Variants in SPMIP2 observed in about 807,000 individuals in gnomAD.
The protein encoded by SPMIP2 is sperm microtubule inner protein 2.
At chr4:158,901,592 T>G in the SPMIP2 span, among the ~76,000 whole-genome samples, 1 of 152,156 alleles carries the variant, frequency 6.6e-6, no homozygotes, top group Non-Finnish European at 1.5e-5. Context: ...TTTTCCAACT[T>G]GGTTCCATTC....
chr4:158,977,666 G>C, the SPMIP2 span, among the ~76,000 whole-genome samples: 1 of 143,530 alleles, frequency 7.0e-6, no homozygotes, highest in African/African-American at 2.6e-5. Flanking sequence ...CCAGGCTGGA[G>C]AGCAGTGGCA....
At chr4:158,911,841 CTG>C in the SPMIP2 span, among the ~76,000 whole-genome samples, 1 of 152,038 alleles carries the variant, frequency 6.6e-6, no homozygotes, top group East Asian at 1.9e-4. Context: ...AGACTGAAGT[CTG>C]TGTATTGGAA....
At chr4:159,007,543 AG>A in the SPMIP2 span, 1 of 1,051,158 alleles carries the variant, frequency 9.5e-7, no homozygotes, top group Non-Finnish European at 1.4e-6. Flanking sequence ...GTAGCAATCC[AG>A]GAGAAGGTGC....
the SPMIP2 span, among the ~76,000 whole-genome samples, chr4:158,901,128 ATT>A: frequency 2.5e-4 from 28 of 112,274 alleles, no homozygotes; most frequent in African/African-American, 7.4e-4. Flanking sequence ...CTGGGTTGAA[ATT>A]TTTTTTTTTT....
At chr4:158,919,365 G>A in the SPMIP2 span, among the ~76,000 whole-genome samples, 4 of 152,312 alleles carry the variant, frequency 2.6e-5, no homozygotes, top group East Asian at 1.9e-4. Context: ...GTCTGGAACC[G>A]TTTCTCAGTC....
At chr4:158,936,896 T>C in the SPMIP2 span, among the ~76,000 whole-genome samples, 33 of 152,378 alleles carry the variant, frequency 2.2e-4, no homozygotes, top group African/African-American at 7.2e-4. Flanking sequence ...CACTCCCTTT[T>C]GTCCTTCTCT....
chr4:159,062,697 GTCTCTC>G, the SPMIP2 span, among the ~76,000 whole-genome samples: 12 of 95,146 alleles, frequency 1.3e-4, no homozygotes, highest in South Asian at 7.9e-4. Flanking sequence ...TTGAAACAGG[GTCTCTC>G]TCTCTCTCTC....
chr4:159,004,758 C>T, the SPMIP2 span, among the ~76,000 whole-genome samples: 1 of 152,016 alleles, frequency 6.6e-6, no homozygotes, highest in Non-Finnish European at 1.5e-5. Context: ...TTGATTAATA[C>T]ACAGTAAGTG....
chr4:159,066,419 G>C, the SPMIP2 span, among the ~76,000 whole-genome samples: 3 of 151,870 alleles, frequency 2.0e-5, no homozygotes, highest in African/African-American at 7.3e-5. Context: ...CTGGGCTCAC[G>C]CAAGACAGAG....
the SPMIP2 span, among the ~76,000 whole-genome samples, chr4:159,062,660 GTTCA>G: frequency 8.6e-6 from 1 of 116,748 alleles, no homozygotes; most frequent in African/African-American, 3.1e-5. Flanking sequence ...TTTGCCCCAA[GTTCA>G]TTCAGGCTGA....
chr4:158,964,783 T>TA, the SPMIP2 span, among the ~76,000 whole-genome samples: 1 of 152,134 alleles, frequency 6.6e-6, no homozygotes, highest in Non-Finnish European at 1.5e-5. Context: ...TCAGGAAACT[T>TA]ACAATCATGG....
At chr4:159,003,488 T>C in the SPMIP2 span, among the ~76,000 whole-genome samples, 12 of 152,216 alleles carry the variant, frequency 7.9e-5, no homozygotes, top group African/African-American at 2.9e-4. Context: ...CCATACTATG[T>C]ACCTTCTAAC....
At chr4:159,031,590 G>T in the SPMIP2 span, among the ~76,000 whole-genome samples, 2 of 152,200 alleles carry the variant, frequency 1.3e-5, no homozygotes, top group Non-Finnish European at 2.9e-5. Flanking sequence ...ATTTTGTTAT[G>T]GAGTTGTTAA....
the SPMIP2 span, among the ~76,000 whole-genome samples, chr4:159,039,683 C>A: frequency 6.6e-6 from 1 of 152,226 alleles, no homozygotes; most frequent in African/African-American, 2.4e-5. Flanking sequence ...CCATGAGCCA[C>A]CAGATGCCTT....
chr4:158,902,163 G>A, the SPMIP2 span, among the ~76,000 whole-genome samples: 1 of 152,166 alleles, frequency 6.6e-6, no homozygotes, highest in Non-Finnish European at 1.5e-5. Flanking sequence ...ACCTTCGGAT[G>A]GGGTCTCTGA....
chr4:158,979,132 G>GAAATTCC, the SPMIP2 span, among the ~76,000 whole-genome samples: 9 of 150,948 alleles, frequency 6.0e-5, no homozygotes, highest in Non-Finnish European at 8.9e-5. Flanking sequence ...GGTGGGCTCC[G>GAAATTCC]GAGACTTTGT....
chr4:158,920,697 A>G, the SPMIP2 span, among the ~76,000 whole-genome samples: 424 of 152,336 alleles, frequency 2.8e-3, 3 homozygotes, highest in African/African-American at 9.7e-3. Flanking sequence ...AAGACAATAC[A>G]TGCACCACTG....
At chr4:158,915,065 C>T in the SPMIP2 span, 1 of 1,004,206 alleles carries the variant, frequency 1.0e-6, no homozygotes, top group African/African-American at 1.6e-5. Context: ...TTAAAAGAAG[C>T]TACAAAACTG....
chr4:159,030,393 A>G, the SPMIP2 span, among the ~76,000 whole-genome samples: 1 of 152,086 alleles, frequency 6.6e-6, no homozygotes, highest in African/African-American at 2.4e-5. Flanking sequence ...AGCCTGGGTG[A>G]CAGAGTGAGA....
Sources: gnomAD v4.1 joint callset for allele counts (sites outside exome capture counted in the v4.1 genomes callset) on GRCh38, gnomAD v4.1.1 for gene constraint, MANE v1.5 for transcripts, NCBI Gene and HGNC (gene_info 2026-07-23, HGNC 2026-07-21) for gene names.